Variants in OSBPL6 observed in about 807,000 individuals in gnomAD.
The protein encoded by OSBPL6 is oxysterol-binding protein-related protein 6.
In OSBPL6, 49 loss-of-function variants were observed where a neutral mutation model predicts 125.8. The ratio of observed to expected loss-of-function variants is 0.39; its 90% CI spans 0.31 to 0.49. OSBPL6 has a LOEUF of 0.49. Among genes scored for constraint, OSBPL6 ranks in the 20% least tolerant of loss-of-function variants. OSBPL6 has a pLI of 0.88. For missense variants in OSBPL6, 986 were observed against 1,135.4 expected (o/e 0.87, Z 1.89); for synonymous variants, 394 against 391.8 (o/e 1.01, Z -0.07).
At chr2:178,359,762 GA>G (rs1002974897) in intron 12 of OSBPL6, among the ~76,000 whole-genome samples, 4 of 152,180 alleles carry the variant, frequency 2.6e-5, no homozygotes, top group African/African-American at 9.7e-5. Flanking sequence ...CCATAGCATG[GA>G]TGGGCCTGAA....
intron 1 of OSBPL6, among the ~76,000 whole-genome samples, chr2:178,195,409 G>C (rs1164395238): frequency 2.0e-5 from 3 of 152,262 alleles, no homozygotes; most frequent in Admixed American, 6.5e-5. Context: ...CCCGCAGATC[G>C]TGTCGCCGGG....
chr2:178,216,434 G>T (rs1039064421), intron 1 of OSBPL6, among the ~76,000 whole-genome samples: 1 of 152,102 alleles, frequency 6.6e-6, no homozygotes, highest in Non-Finnish European at 1.5e-5. Context: ...GAGAGTAACA[G>T]ATTGTAAGTC....
chr2:178,320,660 A>G (rs972132091), intron 3 of OSBPL6, among the ~76,000 whole-genome samples: 1 of 152,244 alleles, frequency 6.6e-6, no homozygotes, highest in Non-Finnish European at 1.5e-5. Context: ...ACAAATTATG[A>G]TCTTAAAGGA....
chr2:178,291,482 A>G (rs1227181198), intron 2 of OSBPL6, among the ~76,000 whole-genome samples: 1 of 152,090 alleles, frequency 6.6e-6, no homozygotes, highest in Non-Finnish European at 1.5e-5. Flanking sequence ...TTTTTATTTT[A>G]TTGCTTCTTC....
At chr2:178,263,280 A>G (rs916975499) in intron 1 of OSBPL6, among the ~76,000 whole-genome samples, 2 of 152,304 alleles carry the variant, frequency 1.3e-5, no homozygotes, top group South Asian at 2.1e-4. Context: ...GGAGTTCAAG[A>G]CTAGCCTGAC....
intron 11 of OSBPL6, among the ~76,000 whole-genome samples, chr2:178,344,984 G>GC (rs1230312691): frequency 2.6e-5 from 4 of 152,008 alleles, no homozygotes; most frequent in Non-Finnish European, 4.4e-5. Context: ...CATATCTAGA[G>GC]GTTTTTTTTT....
At chr2:178,263,647 G>A (rs1375324843) in intron 1 of OSBPL6, among the ~76,000 whole-genome samples, 1 of 152,148 alleles carries the variant, frequency 6.6e-6, no homozygotes, top group African/African-American at 2.4e-5. Context: ...TCTGACTCTT[G>A]GTAAGTGTGG....
chr2:178,255,653 G>C (rs2091861690), intron 1 of OSBPL6, among the ~76,000 whole-genome samples: 1 of 152,192 alleles, frequency 6.6e-6, no homozygotes. Context: ...AATTCTTACA[G>C]ACCAATTCCT....
Position 178,383,162 on chromosome 2 carries a change from C to T in OSBPL6, c.1760C>T (p.Ser587Phe). Residue 587 changes from serine to phenylalanine, a missense_variant, in exon 17 of 25, where the codon TCT (serine) becomes TTT (phenylalanine). This residue lies in a region of OSBPL6 where 843 missense variants were observed against 997.3 expected (regional missense o/e 0.85). Transcript: ENST00000190611. ...NNIGKDLSKV[S>F]MPVELNEPLN... is the part of the protein sequence containing the mutation. ...ATTGGTAAAGACCTGTCTAAAGTCT[C>T]TATGCCTGTGGAGCTAAACGAGCCG... 6.2e-7 allele frequency: 1 copy of T among 1,614,178 alleles called. No homozygotes were observed. Among genetic ancestry groups the T allele is most frequent in the Non-Finnish European group, 8.5e-7 (1 of 1,180,042 alleles).
At chr2:178,376,124 G>A (rs1282082658) in intron 15 of OSBPL6, among the ~76,000 whole-genome samples, 1 of 152,112 alleles carries the variant, frequency 6.6e-6, no homozygotes, top group East Asian at 1.9e-4. Flanking sequence ...TAAAACTCAA[G>A]GACAGAACTG....
chr2:178,359,395 G>A (rs1326874479), intron 12 of OSBPL6, among the ~76,000 whole-genome samples: 1 of 152,114 alleles, frequency 6.6e-6, no homozygotes, highest in African/African-American at 2.4e-5. Flanking sequence ...TTAAAAAGAC[G>A]AGACAAATGT....
rs190551590 is a variant in OSBPL6, at chr2:178,355,845, A to G, written c.1154-5837A>G. 1.8e-3 allele frequency among the ~76,000 whole-genome samples: 267 copies of G among 152,208 alleles called. 1 individual carries two copies. The highest frequency in any genetic ancestry group is 6.1e-3 in the African/African-American group (253 of 41,570). On this transcript the variant is annotated intron_variant, in intron 12 of 24. Transcript: ENST00000190611. The stretch of plus-strand genomic sequence containing the variant: ...TCAGTGCAAAAATCCTCAATAAAAT[A>G]CTGGCAAACCGAATCCAGTAGCACA...
chr2:178,276,461 C>T (rs1174609615), intron 1 of OSBPL6, among the ~76,000 whole-genome samples: 3 of 150,354 alleles, frequency 2.0e-5, no homozygotes, highest in Admixed American at 1.3e-4. Flanking sequence ...CAACCTCTGC[C>T]TGCCGGGTTC....
At chr2:178,289,426 T>C (rs1346545873) in intron 2 of OSBPL6, among the ~76,000 whole-genome samples, 1 of 152,238 alleles carries the variant, frequency 6.6e-6, no homozygotes, top group Non-Finnish European at 1.5e-5. Flanking sequence ...CTCAGATTCA[T>C]CTATCTCCTT....
chr2:178,256,004 C>T (rs78943263), intron 1 of OSBPL6, among the ~76,000 whole-genome samples: 5 of 152,280 alleles, frequency 3.3e-5, no homozygotes, highest in Admixed American at 1.3e-4. Context: ...GGCAGCAAAT[C>T]GAAGTCAGGG....
chr2:178,299,505 A>G (rs1686080595), intron 2 of OSBPL6, among the ~76,000 whole-genome samples: 1 of 150,186 alleles, frequency 6.7e-6, no homozygotes, highest in Admixed American at 6.7e-5. Context: ...AGATGAACTT[A>G]CTTTTTTTCT....
chr2:178,346,837 A>G (rs1049465229), intron 11 of OSBPL6, among the ~76,000 whole-genome samples: 3 of 152,214 alleles, frequency 2.0e-5, no homozygotes, highest in African/African-American at 4.8e-5. Flanking sequence ...GAATTCCTCA[A>G]TTAAAATGGC....
rs1029563020 is a variant in OSBPL6 at position 178,400,145 on chromosome 2, T to A, written c.*4586T>A. ...AACTTCTTAATACTGTTAGAGAATA[T>A]GCTAGAACTATTACTTCTTTTATCT... On this transcript the variant is annotated 3_prime_UTR_variant, in exon 25 of 25. Transcript: ENST00000190611. 2.0e-5 allele frequency: 3 copies of A among 152,116 alleles called. No individual in the cohort carries two copies. Among genetic ancestry groups the A allele is most frequent in the African/African-American group, 7.2e-5 (3 of 41,422 alleles). The allele number at this position is 152,116 out of a possible 1,614,324, so 9.4% of individuals were successfully genotyped here.
chr2:178,299,015 CA>C (rs1363356845), intron 2 of OSBPL6, among the ~76,000 whole-genome samples: 7 of 152,076 alleles, frequency 4.6e-5, no homozygotes, highest in Non-Finnish European at 1.0e-4. Context: ...TTATTGTTGC[CA>C]AAAAGTCTTA....
Sources: gnomAD v4.1 joint callset for allele counts (sites outside exome capture counted in the v4.1 genomes callset) on GRCh38, gnomAD v4.1.1 for gene constraint, gnomAD v4.1.1 regional missense constraint, MANE v1.5 for transcripts, NCBI Gene and HGNC (gene_info 2026-07-23, HGNC 2026-07-21) for gene names.